Variants in EIPR1 observed in about 807,000 individuals in gnomAD.
EIPR1 encodes EARP and GARP complex-interacting protein 1.
EIPR1 carries 25 observed loss-of-function variants against 48.1 expected under a neutral mutation model. The observed-to-expected ratio is 0.52, with a 90% confidence interval of 0.38 to 0.73. EIPR1 has a LOEUF of 0.73. EIPR1 is among the 30% of genes least tolerant of loss of function. The probability of loss-of-function intolerance (pLI) is 0.00; values close to 1 mark genes in which losing one functional copy is unlikely to be tolerated. For missense variants in EIPR1, 415 were observed against 506.2 expected (o/e 0.82, Z 1.73); for synonymous variants, 204 against 201.9 (o/e 1.01, Z -0.09).
At chr2:3,375,856 G>C (rs1195843356) in intron 1 of EIPR1, among the ~76,000 whole-genome samples, 1 of 152,212 alleles carries the variant, frequency 6.6e-6, no homozygotes, top group Non-Finnish European at 1.5e-5. Flanking sequence ...ACATAGTCCA[G>C]AGCTAAATCA....
intron 1 of EIPR1, among the ~76,000 whole-genome samples, chr2:3,374,306 G>A (rs1356379432): frequency 2.0e-5 from 3 of 151,994 alleles, no homozygotes; most frequent in Non-Finnish European, 4.4e-5. Flanking sequence ...TACCATTCAG[G>A]ACATAGGCAT....
intron 3 of EIPR1, among the ~76,000 whole-genome samples, chr2:3,297,615 C>A (rs1668642091): frequency 6.6e-6 from 1 of 152,208 alleles, no homozygotes; most frequent in African/African-American, 2.4e-5. Context: ...AGGGCCAGGT[C>A]ATAAATATTT....
chr2:3,268,869 G>T (rs1325836657), intron 3 of EIPR1, among the ~76,000 whole-genome samples: 1 of 152,172 alleles, frequency 6.6e-6, no homozygotes, highest in East Asian at 1.9e-4. Flanking sequence ...TTGAATCTGG[G>T]AGGTAACATA....
At chr2:3,324,412 C>T (rs757935419) in intron 3 of EIPR1, among the ~76,000 whole-genome samples, 3 of 152,252 alleles carry the variant, frequency 2.0e-5, no homozygotes, top group South Asian at 2.1e-4. Context: ...TAGACAGTGT[C>T]GCTCCGTGTG....
intron 1 of EIPR1, among the ~76,000 whole-genome samples, chr2:3,356,345 G>A (rs566715067): frequency 6.6e-6 from 1 of 152,186 alleles, no homozygotes; most frequent in Non-Finnish European, 1.5e-5. Flanking sequence ...AAAGAGAAAC[G>A]TAGGCTGTAT....
At chr2:3,261,206 T>C (rs1370094044) in intron 3 of EIPR1, among the ~76,000 whole-genome samples, 1 of 151,846 alleles carries the variant, frequency 6.6e-6, no homozygotes, top group East Asian at 1.9e-4. Flanking sequence ...CAGAGGGCTG[T>C]GGAGACAGTT....
At chr2:3,317,987 G>A (rs545790932) in intron 3 of EIPR1, among the ~76,000 whole-genome samples, 4 of 152,352 alleles carry the variant, frequency 2.6e-5, no homozygotes, top group Admixed American at 6.5e-5. Flanking sequence ...CCCGAGACAC[G>A]GGCTCAGCAC....
intron 3 of EIPR1, among the ~76,000 whole-genome samples, chr2:3,258,938 A>T (rs1667245628): frequency 6.6e-6 from 1 of 152,044 alleles, no homozygotes. Flanking sequence ...TTATTTATTT[A>T]TTTATTTGCT....
rs78120717 is a variant in EIPR1, at chr2:3,320,181, C to T, written c.259+17836G>A. 2.0e-3 allele frequency: 335 copies of T among 166,496 alleles called. 6 individuals are homozygous for T. The East Asian group carries it at 0.048, about 24-fold the overall frequency. The allele number at this position is 166,496 out of a possible 1,614,324, so 10.3% of individuals were successfully genotyped here. On this transcript the variant is annotated intron_variant, in intron 3 of 8. Coordinates refer to ENST00000382125, the MANE Select transcript of EIPR1 (RefSeq NM_003310.5). Reference sequence around the variant, plus strand: ...CAGGCAACACCGCACCTATGGGTGACCCGCACCTGCAGGCAGGGCAACACC... The same window carrying T: ...CAGGCAACACCGCACCTATGGGTGATCCGCACCTGCAGGCAGGGCAACACC...
chr2:3,279,954 T>G (rs1309679118), intron 3 of EIPR1, among the ~76,000 whole-genome samples: 1 of 152,262 alleles, frequency 6.6e-6, no homozygotes, highest in Non-Finnish European at 1.5e-5. Context: ...GCCTATCAGC[T>G]GCAGTTTTGC....
At chr2:3,294,984 TACACACAC>T (rs143221197) in intron 3 of EIPR1, among the ~76,000 whole-genome samples, 2 of 67,440 alleles carry the variant, frequency 3.0e-5, no homozygotes, top group African/African-American at 6.6e-5. Flanking sequence ...CCATCCTCTC[TACACACAC>T]ACACACACAC....
chr2:3,350,117 C>CAAAAA (rs35912767), intron 2 of EIPR1, among the ~76,000 whole-genome samples: 6 of 57,458 alleles, frequency 1.0e-4, no homozygotes, highest in Admixed American at 3.0e-4. Context: ...GACTCTGTCT[C>CAAAAA]AAAAAAAAAA....
intron 3 of EIPR1, among the ~76,000 whole-genome samples, chr2:3,277,355 G>A (rs1483924334): frequency 6.6e-6 from 1 of 152,226 alleles, no homozygotes; most frequent in Non-Finnish European, 1.5e-5. Flanking sequence ...AACGGTAGAG[G>A]ACATTTCTGG....
At chr2:3,199,940 T>C (rs1207687470) in intron 5 of EIPR1, among the ~76,000 whole-genome samples, 1 of 73,942 alleles carries the variant, frequency 1.4e-5, no homozygotes, top group African/African-American at 5.6e-5. Context: ...TGTCCACATC[T>C]GGGCACGCAT....
intron 3 of EIPR1, among the ~76,000 whole-genome samples, chr2:3,337,570 A>G (rs948030102): frequency 6.6e-6 from 1 of 152,226 alleles, no homozygotes; most frequent in African/African-American, 2.4e-5. Context: ...CCTAGAGAGC[A>G]CAACGGCGGG....
intron 3 of EIPR1, among the ~76,000 whole-genome samples, chr2:3,266,018 T>A (rs950237336): frequency 1.3e-5 from 2 of 151,876 alleles, no homozygotes; most frequent in African/African-American, 2.4e-5. Flanking sequence ...CTTAATGAGA[T>A]AAAGAGATAA....
chr2:3,290,445 AG>A (rs1668332264), intron 3 of EIPR1, among the ~76,000 whole-genome samples: 1 of 152,238 alleles, frequency 6.6e-6, no homozygotes, highest in South Asian at 2.1e-4. Context: ...GGGGAGTCAA[AG>A]GTTCCCAGGA....
chr2:3,260,277 G>T (rs996915800), intron 3 of EIPR1, among the ~76,000 whole-genome samples: 3 of 152,200 alleles, frequency 2.0e-5, no homozygotes, highest in African/African-American at 7.2e-5. Context: ...CGGATCATGA[G>T]GTCAGGAGTT....
chr2:3,257,082 A>G (rs1479591352), intron 4 of EIPR1, among the ~76,000 whole-genome samples: 1 of 152,128 alleles, frequency 6.6e-6, no homozygotes, highest in Non-Finnish European at 1.5e-5. Flanking sequence ...TGAAGAGGAG[A>G]AAGTGGGGAT....
Sources: gnomAD v4.1 joint callset for allele counts (sites outside exome capture counted in the v4.1 genomes callset) on GRCh38, gnomAD v4.1.1 for gene constraint, MANE v1.5 for transcripts, NCBI Gene and HGNC (gene_info 2026-07-23, HGNC 2026-07-21) for gene names.